Variants in RIMS1 observed in about 807,000 individuals in gnomAD.
RIMS1 encodes regulating synaptic membrane exocytosis protein 1.
RIMS1 carries 83 observed loss-of-function variants against 214.1 expected under a neutral mutation model. That is an observed-to-expected ratio of 0.39 (90% confidence interval 0.32 to 0.47). RIMS1 has a LOEUF of 0.47. Among genes scored for constraint, RIMS1 ranks in the 20% least tolerant of loss-of-function variants. RIMS1 has a pLI of 0.99. For missense variants in RIMS1, 2,050 were observed against 2,161.8 expected (o/e 0.95, Z 1.03); for synonymous variants, 793 against 786.8 (o/e 1.01, Z -0.13).
chr6:72,342,901 T>C (rs2097143866), intron 29 of RIMS1, among the ~76,000 whole-genome samples: 2 of 151,794 alleles, frequency 1.3e-5, no homozygotes, highest in Admixed American at 1.3e-4. Context: ...GCAATGGGGA[T>C]ATTGAAAGCT....
At chr6:72,066,765 C>T (rs755517044) in intron 2 of RIMS1, among the ~76,000 whole-genome samples, 2 of 152,080 alleles carry the variant, frequency 1.3e-5, no homozygotes, top group Non-Finnish European at 2.9e-5. Flanking sequence ...ATCTAATAGG[C>T]CTCTCAAACC....
chr6:72,169,233 T>C (rs2046689676), intron 4 of RIMS1, among the ~76,000 whole-genome samples: 1 of 152,232 alleles, frequency 6.6e-6, no homozygotes, highest in Admixed American at 6.5e-5. Flanking sequence ...TTTCTACTTC[T>C]GCATGTTTTA....
chr6:72,296,330 G>A (rs1212261220), intron 26 of RIMS1, among the ~76,000 whole-genome samples: 2 of 151,748 alleles, frequency 1.3e-5, no homozygotes, highest in East Asian at 3.9e-4. Flanking sequence ...TTCTATTCAG[G>A]GTAATACCTG....
chr6:71,988,338 TA>T (rs1224922057), intron 2 of RIMS1, among the ~76,000 whole-genome samples: 1 of 152,140 alleles, frequency 6.6e-6, no homozygotes, highest in African/African-American at 2.4e-5. Context: ...TTGTCTATCT[TA>T]TTCTTTTCAT....
rs57995192 is a variant in RIMS1, at chr6:71,920,436, G to A, written c.164+33249G>A. ...TCTTTACTATCTTTATAACTTTTTC[G>A]TAAACCTAAAATTATTACAAAATAA... On this transcript the variant is annotated intron_variant, in intron 1 of 33. Coordinates refer to ENST00000521978, the MANE Select transcript of RIMS1 (RefSeq NM_014989.7). 0.011 allele frequency among the ~76,000 whole-genome samples: 1,674 copies of A among 151,928 alleles called. 157 individuals carry two copies. The East Asian group carries it at 0.22, about 20-fold the overall frequency.
chr6:72,287,839 G>A (rs1478299024), intron 24 of RIMS1, among the ~76,000 whole-genome samples: 3 of 152,048 alleles, frequency 2.0e-5, no homozygotes, highest in Admixed American at 6.5e-5. Flanking sequence ...TGATCCACCC[G>A]CCTCAGCCTC....
At chr6:72,213,686 T>C (rs1437555272) in intron 6 of RIMS1, among the ~76,000 whole-genome samples, 1 of 152,180 alleles carries the variant, frequency 6.6e-6, no homozygotes, top group Non-Finnish European at 1.5e-5. Context: ...AATAGGAAGT[T>C]TGTGTCACTT....
chr6:72,261,223 G>A, intron 19 of RIMS1: 1 of 1,003,664 alleles, frequency 1.0e-6, no homozygotes, highest in Non-Finnish European at 1.2e-6. Flanking sequence ...TTTATATTCT[G>A]TTTGCTTTTG....
intron 4 of RIMS1, among the ~76,000 whole-genome samples, chr6:72,100,693 C>T (rs1400375190): frequency 4.0e-5 from 3 of 74,706 alleles, no homozygotes; most frequent in East Asian, 6.5e-4. Flanking sequence ...GTATGAATTA[C>T]ACCTTCATTT....
At chr6:72,039,963 G>T (rs1820970697) in intron 2 of RIMS1, among the ~76,000 whole-genome samples, 1 of 150,746 alleles carries the variant, frequency 6.6e-6, no homozygotes, top group African/African-American at 2.4e-5. Context: ...TCTTAACATT[G>T]TTTTCACTTT....
At chr6:71,887,752 C>A (rs1199513319) in intron 1 of RIMS1, among the ~76,000 whole-genome samples, 1 of 152,098 alleles carries the variant, frequency 6.6e-6, no homozygotes, top group Admixed American at 6.5e-5. Flanking sequence ...TGGGCAATTG[C>A]CATCTTTGGT....
intron 2 of RIMS1, among the ~76,000 whole-genome samples, chr6:71,989,285 GCTAA>G (rs1358339984): frequency 1.3e-5 from 2 of 152,066 alleles, no homozygotes; most frequent in South Asian, 2.1e-4. Flanking sequence ...CTCAATATTT[GCTAA>G]CTGTTATTTT....
intron 29 of RIMS1, among the ~76,000 whole-genome samples, chr6:72,335,310 AT>A (rs1310829105): frequency 6.6e-6 from 1 of 151,960 alleles, no homozygotes; most frequent in Non-Finnish European, 1.5e-5. Context: ...ACTCCCACCT[AT>A]AAGTGAGAAC....
chr6:72,112,155 C>T (rs2036222849), intron 4 of RIMS1, among the ~76,000 whole-genome samples: 1 of 152,070 alleles, frequency 6.6e-6, no homozygotes, highest in African/African-American at 2.4e-5. Flanking sequence ...CCTGGCCTTT[C>T]CTCCCCCTGC....
At chr6:72,059,309 C>T (rs951346887) in intron 2 of RIMS1, among the ~76,000 whole-genome samples, 2 of 152,204 alleles carry the variant, frequency 1.3e-5, no homozygotes, top group African/African-American at 2.4e-5. Flanking sequence ...TCACTGCAGC[C>T]TTGACCTCTT....
At chr6:71,956,798 G>A (rs902520250) in intron 1 of RIMS1, among the ~76,000 whole-genome samples, 4 of 152,108 alleles carry the variant, frequency 2.6e-5, no homozygotes, top group Non-Finnish European at 4.4e-5. Flanking sequence ...CTCGTTGCGC[G>A]AATGAATGGC....
chr6:72,385,928 T>A (rs1381400921), intron 29 of RIMS1, among the ~76,000 whole-genome samples: 1 of 152,224 alleles, frequency 6.6e-6, no homozygotes, highest in Non-Finnish European at 1.5e-5. Context: ...TCATGAATAT[T>A]TATTTATATG....
At chr6:72,298,357 C>T (rs184528413) in intron 26 of RIMS1, among the ~76,000 whole-genome samples, 4 of 151,844 alleles carry the variant, frequency 2.6e-5, no homozygotes, top group Middle Eastern at 3.4e-3. Flanking sequence ...TTTATTTTCC[C>T]GCCGAAAAGC....
At chr6:71,977,024 G>A (rs1234989980) in intron 2 of RIMS1, among the ~76,000 whole-genome samples, 29 of 152,160 alleles carry the variant, frequency 1.9e-4, no homozygotes, top group Admixed American at 1.8e-3. Flanking sequence ...CAGACTGCGT[G>A]GTCTAATGTT....
Sources: gnomAD v4.1 joint callset for allele counts (sites outside exome capture counted in the v4.1 genomes callset) on GRCh38, gnomAD v4.1.1 for gene constraint, MANE v1.5 for transcripts, NCBI Gene and HGNC (gene_info 2026-07-23, HGNC 2026-07-21) for gene names.